GALNT9: variants seen among roughly 807,000 people sequenced by gnomAD.
The protein encoded by GALNT9 is GalNAc transferase 9.
GALNT9 carries 47 observed loss-of-function variants against 63.1 expected under a neutral mutation model. That is an observed-to-expected ratio of 0.75 (90% CI 0.59 to 0.95). The LOEUF (loss-of-function observed/expected upper bound fraction) is 0.95. Ranked by LOEUF, GALNT9 falls within the 40% of genes least tolerant of loss-of-function variation. The pLI, the probability that GALNT9 is intolerant of heterozygous loss-of-function variation, is 0.00. For missense variants in GALNT9, 829 were observed against 874.8 expected (o/e 0.95, Z 0.66); for synonymous variants, 396 against 365.7 (o/e 1.08, Z -0.94).
intron 2 of GALNT9, among the ~76,000 whole-genome samples, chr12:132,267,985 T>A (rs1452582262): frequency 4.0e-5 from 5 of 126,214 alleles, no homozygotes; most frequent in Non-Finnish European, 8.3e-5. Flanking sequence ...CCACATGAAC[T>A]CACACACATG....
intron 1 of GALNT9, among the ~76,000 whole-genome samples, chr12:132,321,517 C>T (rs1412567729): frequency 6.6e-6 from 1 of 152,196 alleles, no homozygotes. Flanking sequence ...AGCCAGCACC[C>T]TTCCGGGGCC....
chr12:132,296,855 G>A lies in GALNT9; in HGVS notation c.239-10425C>T, dbSNP rs1228856152. 6.6e-6 allele frequency among the ~76,000 whole-genome samples: 1 copy of A among 151,954 alleles called. No homozygotes were observed. Among genetic ancestry groups the A allele is most frequent in the Non-Finnish European group, 1.5e-5 (1 of 67,994 alleles). ...ATTGGGGGCTGGGCGGGGGGAGGGT[G>A]GAACTCTTCCTTCCATCAGGAGCCC... On this transcript the variant is annotated intron_variant, in intron 1 of 10. Coordinates refer to ENST00000328957, the MANE Select transcript of GALNT9 (RefSeq NM_001122636.2). This position sits in a 1 kb window ranked among gnomAD's most constrained non-coding sequence, Gnocchi z 4.2.
At chr12:132,320,641 G>A (rs375489284) in intron 1 of GALNT9, among the ~76,000 whole-genome samples, 1 of 29,384 alleles carries the variant, frequency 3.4e-5, no homozygotes, top group East Asian at 2.9e-3. Context: ...TGGATCCGTG[G>A]GACACGGTGG....
chr12:132,258,024 C>T (rs1879206663), intron 4 of GALNT9, 138 bp from the exon 5 acceptor site: 1 of 646,584 alleles, frequency 1.5e-6, no homozygotes, highest in East Asian at 2.8e-5. Context: ...GAGCTAGACC[C>T]ACATCCTCCC....
intron 5 of GALNT9, among the ~76,000 whole-genome samples, chr12:132,248,475 C>T (rs1418955383): frequency 1.4e-5 from 2 of 146,310 alleles, no homozygotes; most frequent in African/African-American, 4.9e-5. Flanking sequence ...CCTGTCTCCC[C>T]TCTCCCCTGA....
chr12:132,278,684 C>T (rs1344600219), intron 2 of GALNT9: 1 of 152,234 alleles, frequency 6.6e-6, no homozygotes, highest in Non-Finnish European at 1.5e-5. Flanking sequence ...TCTTCCATCG[C>T]GGGACAGAAG....
chr12:132,199,291 G>T (rs373692529), intron 8 of GALNT9, 22 bp from the exon 9 acceptor site: 4 of 1,557,344 alleles, frequency 2.6e-6, no homozygotes, highest in South Asian at 2.2e-5. Context: ...AGCCCCAGGA[G>T]AAAGTCCAGA....
At chr12:132,308,027 C>T (rs1180235290) in intron 1 of GALNT9, among the ~76,000 whole-genome samples, 10 of 111,226 alleles carry the variant, frequency 9.0e-5, no homozygotes, top group Admixed American at 2.0e-4. Context: ...CAGAGTGAGA[C>T]CCTGTCTCAA....
At chr12:132,287,349 C>T (rs1308943241) in intron 1 of GALNT9, among the ~76,000 whole-genome samples, 4 of 152,178 alleles carry the variant, frequency 2.6e-5, no homozygotes, top group South Asian at 2.1e-4. Flanking sequence ...AATATTAACC[C>T]GAAAATTGCA....
At chr12:132,309,096 C>T (rs1427095069) in intron 1 of GALNT9, among the ~76,000 whole-genome samples, 1 of 152,362 alleles carries the variant, frequency 6.6e-6, no homozygotes, top group East Asian at 1.9e-4. Flanking sequence ...CCATTCAGCC[C>T]ACATCCACCG....
chr12:132,270,746 G>C (rs1053694719), intron 2 of GALNT9, among the ~76,000 whole-genome samples: 12 of 152,210 alleles, frequency 7.9e-5, no homozygotes, highest in Non-Finnish European at 1.3e-4. Flanking sequence ...ACGACACCCT[G>C]CAAGGGATGC....
intron 6 of GALNT9, chr12:132,205,437 G>C (rs543953217): frequency 6.6e-6 from 1 of 152,302 alleles, no homozygotes; most frequent in African/African-American, 2.4e-5. Context: ...TCCTCGCCGA[G>C]ATGACCACAC....
rs1555239242 is a variant in GALNT9 at position 132,257,724 on chromosome 12, G to A, written c.924C>T (p.Asp308=). 5 of 1,550,316 alleles carry A rather than the reference G, an allele frequency of 3.2e-6. No individual in the cohort carries two copies. The highest frequency in any genetic ancestry group is 4.4e-6 in the Non-Finnish European group (5 of 1,146,788). Residue 308 remains aspartate (D), a synonymous_variant, in exon 5 of 11, where the codon GAC becomes GAT. Transcript: ENST00000328957. ...LWCMYIIPPQ[D]WLDRGDESAP... is the part of the protein sequence containing the mutation. ...CTGACTCGTCGCCGCGGTCCAGCCA[G>A]TCCTGCGGGGGGATGATGTACATGC...
rs1395329620 is a variant in GALNT9 at position 132,310,194 on chromosome 12, A to T, written c.238+18772T>A. Among the ~76,000 whole-genome samples, 1 of 152,056 alleles carries T rather than the reference A, an allele frequency of 6.6e-6. No homozygotes were observed. Among genetic ancestry groups the T allele is most frequent in the East Asian group, 1.9e-4 (1 of 5,194 alleles). On this transcript the variant is annotated intron_variant, in intron 1 of 10. Transcript: ENST00000328957. This position sits in a 1 kb window ranked among gnomAD's most constrained non-coding sequence, Gnocchi z 4.8. ...CGAATGCCTCCAGCAGGAGGGGAGG[A>T]GCTGGGATTCACGTGGGGCTGGGCT...
Position 132,327,672 on chromosome 12 carries a change from A to G in GALNT9, c.238+1294T>C, listed in dbSNP as rs1370378136. 3.3e-5 allele frequency among the ~76,000 whole-genome samples: 5 copies of G among 152,084 alleles called. No individual in the cohort carries two copies. Among genetic ancestry groups the G allele is most frequent in the Non-Finnish European group, 5.9e-5 (4 of 68,014 alleles). On this transcript the variant is annotated intron_variant, in intron 1 of 10. Coordinates refer to ENST00000328957, the MANE Select transcript of GALNT9 (RefSeq NM_001122636.2). This position sits in a 1 kb window ranked among gnomAD's most constrained non-coding sequence, Gnocchi z 4.3. Reference sequence around the variant, plus strand: ...TGGCTCCAGCTGAATCAGAAAGATCAGAGAAGCCACAGAGCTCACCAAGCA... The same window carrying G: ...TGGCTCCAGCTGAATCAGAAAGATCGGAGAAGCCACAGAGCTCACCAAGCA...
chr12:132,236,489 T>A lies in GALNT9; in HGVS notation c.1077+11421A>T, dbSNP rs1421952346. ...CCAGGGAGTCAGCTCTGCAAAATCA[T>A]CACAGACGTGGGGGGATGGCGTCTC... On this transcript the variant is annotated intron_variant, in intron 6 of 10. Coordinates refer to ENST00000328957, the MANE Select transcript of GALNT9 (RefSeq NM_001122636.2). This position sits in a 1 kb window ranked among gnomAD's most constrained non-coding sequence, Gnocchi z 5.6. Among the ~76,000 whole-genome samples the A allele has an allele frequency of 6.6e-6, 1 of 151,698 alleles. No homozygotes were observed. Among genetic ancestry groups the A allele is most frequent in the East Asian group, 2.0e-4 (1 of 5,120 alleles).
rs1464175098 is a variant in GALNT9, at chr12:132,261,019, C to T, written c.690G>A (p.Leu230=). The T allele has an allele frequency of 1.9e-6, 3 of 1,550,238 alleles. No homozygotes were observed. The highest frequency in any genetic ancestry group is 3.9e-5 in the Admixed American group (2 of 50,634). ...GGGCGGTGGCCGCCTTCCAGCCCTG[C>T]AGCCGCGCGCGGATCAGTCCTTCCC... ...SRREGLIRAR[L]QGWKAATAPV... is the part of the protein sequence containing the mutation. Residue 230 remains leucine, a synonymous_variant, in exon 4 of 11, where the codon CTG becomes CTA. Coordinates refer to ENST00000328957, the MANE Select transcript of GALNT9 (RefSeq NM_001122636.2).
Position 132,197,024 on chromosome 12 carries a change from G to C in GALNT9, c.*83C>G, listed in dbSNP as rs567802715. On this transcript the variant is annotated 3_prime_UTR_variant, in exon 11 of 11. Transcript: ENST00000328957. The stretch of plus-strand genomic sequence containing the variant: ...CATAGAGCCCTGTCCTGCTGTGTCT[G>C]CCGGGCACACCCCGGTCACTCAGCC... 32 of 1,574,216 alleles carry C rather than the reference G, an allele frequency of 2.0e-5. No homozygotes were observed. In the African/African-American group the frequency reaches 3.8e-4, roughly 18 times the overall value.
At position 132,296,642 on chromosome 12, in the gene GALNT9, C is replaced by T. The variant is rs375025067; in HGVS notation, c.239-10212G>A. Among the ~76,000 whole-genome samples, 1 of 152,228 alleles carries T rather than the reference C, an allele frequency of 6.6e-6. No homozygotes were observed. Among genetic ancestry groups the T allele is most frequent in the African/African-American group, 2.4e-5 (1 of 41,444 alleles). ...TCAATATCCTGCTGTTCTGAGGTCA[C>T]AGGCTGGTGGTGACAGCTGACCTGT... On this transcript the variant is annotated intron_variant, in intron 1 of 10. Transcript: ENST00000328957. This position sits in a 1 kb window ranked among gnomAD's most constrained non-coding sequence, Gnocchi z 4.2.
Sources: gnomAD v4.1 joint callset for allele counts (sites outside exome capture counted in the v4.1 genomes callset) on GRCh38, gnomAD v4.1.1 for gene constraint, Gnocchi (gnomAD v3.1) non-coding constraint, MANE v1.5 for transcripts, NCBI Gene and HGNC (gene_info 2026-07-23, HGNC 2026-07-21) for gene names.